Variants in IGSF10 observed in about 807,000 individuals in gnomAD.
IGSF10 encodes immunoglobulin superfamily member 10, also known as calvaria mechanical force protein 608.
In IGSF10, 126 loss-of-function variants were observed where a neutral mutation model predicts 128.2. That is an observed-to-expected ratio of 0.98 (90% CI 0.85 to 1.14). The LOEUF is 1.14. Among genes scored for constraint, IGSF10 ranks in the 50% most tolerant of loss-of-function variants. The pLI, the probability that IGSF10 is intolerant of heterozygous loss-of-function variation, is 0.00. For synonymous variants in IGSF10, 1,185 were observed against 1,146.2 expected (o/e 1.03, Z -0.68); for missense variants, 3,295 against 3,149.8 (o/e 1.05, Z -1.10).
At chr3:151,521,471 C>T in the IGSF10 span, among the ~76,000 whole-genome samples, 2 of 151,930 alleles carry the variant, frequency 1.3e-5, no homozygotes, top group African/African-American at 2.4e-5. Context: ...TAAAACAATC[C>T]TCAGCAAATG....
chr3:151,520,278 T>C, the IGSF10 span, among the ~76,000 whole-genome samples: 1 of 151,866 alleles, frequency 6.6e-6, no homozygotes, highest in Non-Finnish European at 1.5e-5. Flanking sequence ...TCATAACTGT[T>C]AACCTACCAA....
chr3:151,501,884 A>G, the IGSF10 span, among the ~76,000 whole-genome samples: 1 of 152,140 alleles, frequency 6.6e-6, no homozygotes, highest in African/African-American at 2.4e-5. Flanking sequence ...TCTTGCCAGT[A>G]AAGTTACACA....
chr3:151,569,114 C>T, the IGSF10 span, among the ~76,000 whole-genome samples: 1 of 152,194 alleles, frequency 6.6e-6, no homozygotes, highest in East Asian at 1.9e-4. Context: ...CTCTGTTGTG[C>T]AGGCTGGAGG....
At position 151,453,674 on chromosome 3, in the gene IGSF10, T is replaced by G. The variant is rs139159962; in HGVS notation, c.425A>C (p.Glu142Ala). ...TRLHMDHNNI[E>A]FINPEVFYGL... The stretch of plus-strand genomic sequence containing the variant: ...ATAAAAAACCTCTGGGTTTATAAAC[T>G]CAATATTGTTGTGGTCCATGTGCAA... The change falls in exon 5 of 8, where the codon GAG (glutamate) becomes GCG (alanine). Residue 142 changes from glutamate (E) to alanine (A), a missense_variant. By Grantham distance (107) the Glu-to-Ala change is moderately radical. Transcript: ENST00000282466. 20 of 1,613,366 alleles carry G rather than the reference T, an allele frequency of 1.2e-5. No homozygotes were observed. The highest frequency in any genetic ancestry group is 1.7e-5 in the Non-Finnish European group (20 of 1,179,440).
chr3:151,438,865 T>TAGAG (rs368154072), intron 7 of IGSF10, among the ~76,000 whole-genome samples: 4,299 of 150,536 alleles, frequency 0.029, 87 homozygotes, highest in South Asian at 0.11. Flanking sequence ...TATATATATA[T>TAGAG]AGAGAGAGAG....
chr3:151,562,818 T>C, the IGSF10 span, among the ~76,000 whole-genome samples: 2 of 152,054 alleles, frequency 1.3e-5, no homozygotes, highest in South Asian at 2.1e-4. Context: ...GAATAAGATA[T>C]AGACTTTATC....
chr3:151,554,157 C>G, the IGSF10 span, among the ~76,000 whole-genome samples: 1 of 151,658 alleles, frequency 6.6e-6, no homozygotes, highest in Non-Finnish European at 1.5e-5. Flanking sequence ...CACACACACA[C>G]ACACACGCAA....
chr3:151,443,521 T>C lies in IGSF10; in HGVS notation c.5426A>G (p.Asn1809Ser), dbSNP rs1720988218. ...AAAGCCACGGTCATAAATACTGAGATTGTGGAGGACCAATGTTCCGTCAAC... is the reference window on the plus strand; with the variant it reads ...AAAGCCACGGTCATAAATACTGAGACTGTGGAGGACCAATGTTCCGTCAAC... ...VTVDGTLVLHNLSIYDRGFYK... is the reference protein window; with the variant it reads ...VTVDGTLVLHSLSIYDRGFYK... The change falls in exon 7 of 8, where the codon AAT becomes AGT. Residue 1809 changes from asparagine (N) to serine (S), a missense_variant. Asn to Ser is a conservative substitution (Grantham distance 46). Coordinates refer to ENST00000282466, the MANE Select transcript of IGSF10 (RefSeq NM_178822.5). 1.2e-6 allele frequency: 2 copies of C among 1,614,220 alleles called. No homozygotes were observed. The highest frequency in any genetic ancestry group is 1.3e-5 in the African/African-American group (1 of 75,056).
At chr3:151,583,165 TTTA>T in the IGSF10 span, among the ~76,000 whole-genome samples, 1 of 152,016 alleles carries the variant, frequency 6.6e-6, no homozygotes, top group Admixed American at 6.5e-5. Flanking sequence ...TGTTCTTTTC[TTTA>T]TTATTTATTC....
the IGSF10 span, among the ~76,000 whole-genome samples, chr3:151,510,413 G>C: frequency 6.6e-6 from 1 of 152,148 alleles, no homozygotes; most frequent in Non-Finnish European, 1.5e-5. Flanking sequence ...GGTCCTGACT[G>C]GTAGAAGGAA....
the IGSF10 span, among the ~76,000 whole-genome samples, chr3:151,582,188 G>A: frequency 1.3e-5 from 2 of 149,642 alleles, no homozygotes; most frequent in Non-Finnish European, 3.0e-5. Context: ...GAATTGAACC[G>A]GTTTTCCATA....
chr3:151,447,141 G>C lies in IGSF10; in HGVS notation c.2840C>G (p.Ser947Ter). The change falls in exon 6 of 8, where the codon TCA becomes TGA. Residue 947 changes from serine (S) to a stop codon, truncating the protein, a stop_gained. Coordinates refer to ENST00000282466, the MANE Select transcript of IGSF10 (RefSeq NM_178822.5). LOFTEE classifies it high-confidence loss of function. ...CTGATGACTATTTGTGGTATTTACT[G>C]ACTCTAATAATAGTTTGTTGGTGGT... is the stretch of plus-strand genomic sequence containing the variant. ...SSTTNKLLLESVNTTNSHQTS... is the reference protein window; with the variant it reads ...SSTTNKLLLE The C allele has an allele frequency of 6.2e-7, 1 of 1,614,134 alleles. No individual in the cohort carries two copies. Among genetic ancestry groups the C allele is most frequent in the Non-Finnish European group, 8.5e-7 (1 of 1,179,968 alleles).
the IGSF10 span, among the ~76,000 whole-genome samples, chr3:151,492,204 T>C: frequency 2.6e-5 from 4 of 152,130 alleles, no homozygotes; most frequent in African/African-American, 9.7e-5. Context: ...GCAAAATACC[T>C]GAGCAGACAT....
the IGSF10 span, among the ~76,000 whole-genome samples, chr3:151,617,907 T>C: frequency 3.2e-4 from 49 of 152,270 alleles, no homozygotes; most frequent in East Asian, 4.3e-3. Flanking sequence ...AAAGCCAGAT[T>C]AGCATGCTCT....
chr3:151,594,488 C>T, the IGSF10 span, among the ~76,000 whole-genome samples: 5 of 152,052 alleles, frequency 3.3e-5, no homozygotes, highest in South Asian at 6.2e-4. Context: ...CACCCGCCAC[C>T]ACGCCCAGCT....
In IGSF10 at chr3:151,453,528, A is replaced by C. The variant is rs377263747; in HGVS notation, c.571T>G (p.Tyr191Asp). Reference protein sequence around the residue: ...IFKISFIKFLYLSDNFLTSLP... With the variant: ...IFKISFIKFLDLSDNFLTSLP... The stretch of plus-strand genomic sequence containing the variant: ...GAGGTCAGGAAGTTATCAGACAAGT[A>C]TAGGAACTTAATGAAAGAGATTTTA... The change falls in exon 5 of 8, where the codon TAC (tyrosine) becomes GAC (aspartate). Residue 191 changes from tyrosine (Y) to aspartate (D), a missense_variant. Coordinates refer to ENST00000282466, the MANE Select transcript of IGSF10 (RefSeq NM_178822.5). 5 of 1,614,014 alleles carry C rather than the reference A, an allele frequency of 3.1e-6. No individual in the cohort carries two copies. The South Asian group carries it at 5.5e-5, about 18-fold the overall frequency.
chr3:151,436,748 A>C lies in IGSF10; in HGVS notation c.7813T>G (p.Cys2605Gly), dbSNP rs772924112. The change falls in exon 8 of 8, where the codon TGC becomes GGC. Residue 2605 changes from cysteine (C) to glycine (G), a missense_variant. Cys to Gly is a radical substitution (Grantham distance 159). Coordinates refer to ENST00000282466, the MANE Select transcript of IGSF10 (RefSeq NM_178822.5). ...CTACCAAGTGGGTTCTTTGCTGTGC[A>C]TTTGTATATCCCAGAATCGGAGGTT... ...PQTSDSGIYK[C>G]TAKNPLGSDY... 7.4e-6 allele frequency: 12 copies of C among 1,613,974 alleles called. No individual in the cohort carries two copies. The highest frequency in any genetic ancestry group is 5.3e-5 in the African/African-American group (4 of 74,910).
At chr3:151,506,827 G>A in the IGSF10 span, among the ~76,000 whole-genome samples, 124,533 of 152,156 alleles carry the variant, frequency 0.82, 51,057 homozygotes, top group Middle Eastern at 0.93. Flanking sequence ...CAAATGGGGA[G>A]AAGAAAACTA....
chr3:151,526,361 A>G, the IGSF10 span, among the ~76,000 whole-genome samples: 1 of 151,934 alleles, frequency 6.6e-6, no homozygotes, highest in African/African-American at 2.4e-5. Flanking sequence ...TTGTCCATAA[A>G]TTGGTAATCT....
Sources: gnomAD v4.1 joint callset for allele counts (sites outside exome capture counted in the v4.1 genomes callset) on GRCh38, gnomAD v4.1.1 for gene constraint, MANE v1.5 for transcripts, NCBI Gene and HGNC (gene_info 2026-07-23, HGNC 2026-07-21) for gene names.